The following DAPK1 variants were observed in gnomAD, a reference collection of about 807,000 sequenced individuals.
DAPK1 encodes the protein death associated protein kinase 1.
In DAPK1, 56 loss-of-function variants were observed where a neutral mutation model predicts 144.9. The ratio of observed to expected loss-of-function variants is 0.39; its 90% CI spans 0.31 to 0.48. DAPK1 has a LOEUF of 0.48. Among genes scored for constraint, DAPK1 ranks in the 20% least tolerant of loss-of-function variants. The pLI, the probability that DAPK1 is intolerant of heterozygous loss-of-function variation, is 0.95. For synonymous variants in DAPK1, 690 were observed against 749.0 expected (o/e 0.92, Z 1.29); for missense variants, 1,454 against 1,875.4 (o/e 0.78, Z 4.15).
intron 11 of DAPK1, among the ~76,000 whole-genome samples, chr9:87,643,985 G>C (rs1830184772): frequency 6.6e-6 from 1 of 152,102 alleles, no homozygotes. Flanking sequence ...AGTGCTGCTT[G>C]CTGATGTGTC....
At chr9:87,699,166 C>G (rs1354190495) in intron 23 of DAPK1, among the ~76,000 whole-genome samples, 1 of 152,148 alleles carries the variant, frequency 6.6e-6, no homozygotes, top group Non-Finnish European at 1.5e-5. Flanking sequence ...GATGCACAAC[C>G]TTTATTTTTC....
rs549524231 is a variant in DAPK1 at position 87,538,030 on chromosome 9, A to G, written c.62+38891A>G. Among the ~76,000 whole-genome samples the G allele has an allele frequency of 5.3e-5, 8 of 152,356 alleles. No individual in the cohort carries two copies. The South Asian group carries it at 1.2e-3, about 24-fold the overall frequency. On this transcript the variant is annotated intron_variant, in intron 2 of 25. Transcript: ENST00000408954. ...CAGCAGATGGCTTGAAGACTTCAGT[A>G]TCTTCCCATTTTTACTTTAAGGTCA...
At chr9:87,700,029 C>T in intron 23 of DAPK1, 88 bp from the exon 24 acceptor site, 4 of 1,078,198 alleles carry the variant, frequency 3.7e-6, no homozygotes, top group Non-Finnish European at 5.6e-6. Flanking sequence ...CTCCTACCAG[C>T]CTCTTGAGCC....
In DAPK1 at chr9:87,706,238, C is replaced by T. The variant is rs373945195; in HGVS notation, c.3167C>T (p.Ala1056Val). 17 of 1,613,522 alleles carry T rather than the reference C, an allele frequency of 1.1e-5. No homozygotes were observed. Among genetic ancestry groups the T allele is most frequent in the African/African-American group, 6.7e-5 (5 of 74,920 alleles). Residue 1056 changes from alanine (A) to valine (V), a missense_variant, in exon 26 of 26, where the codon GCG (alanine) becomes GTG (valine). By Grantham distance (64) the Ala-to-Val change is moderately conservative. Around this residue, in one of 2 missense-constraint regions of DAPK1, gnomAD observed 1,025 missense variants for 1,237.9 expected, o/e 0.83. Coordinates refer to ENST00000408954, the MANE Select transcript of DAPK1 (RefSeq NM_004938.4). The surrounding 1 kb of genome is among the most constrained non-coding windows in gnomAD (Gnocchi z 9.0). ...GKLLSVETPR[A>V]LHHYRGRYTV... ...TTGCTGTCCGTGGAGACCCCACGGG[C>T]GCTGCACCACTACCGGGGCCGCTAC...
chr9:87,567,923 A>G (rs926673494), intron 2 of DAPK1, among the ~76,000 whole-genome samples: 1 of 152,198 alleles, frequency 6.6e-6, no homozygotes, highest in African/African-American at 2.4e-5. Context: ...TTTAATATTT[A>G]TAGACACCCC....
At chr9:87,583,052 A>T (rs1012836873) in intron 2 of DAPK1, among the ~76,000 whole-genome samples, 1 of 152,146 alleles carries the variant, frequency 6.6e-6, no homozygotes, top group African/African-American at 2.4e-5. Flanking sequence ...GGGTATATAC[A>T]GTTGGCCACT....
chr9:87,531,241 G>A (rs904412752), intron 2 of DAPK1, among the ~76,000 whole-genome samples: 34 of 152,172 alleles, frequency 2.2e-4, no homozygotes, highest in South Asian at 6.2e-4. Flanking sequence ...TGACTAGAGG[G>A]CTGGTCTATC....
chr9:87,608,328 C>T (rs1187821302), intron 3 of DAPK1, among the ~76,000 whole-genome samples: 2 of 152,252 alleles, frequency 1.3e-5, no homozygotes, highest in South Asian at 4.1e-4. Context: ...AGAGTGAGTC[C>T]GTTTTTATTA....
intron 2 of DAPK1, among the ~76,000 whole-genome samples, chr9:87,586,459 T>TTA (rs144539679): frequency 0.03 from 4,520 of 152,254 alleles, 209 homozygotes; most frequent in African/African-American, 0.1. Flanking sequence ...CTGCATATAG[T>TTA]TATATATATG....
intron 3 of DAPK1, 113 bp downstream of exon 3, chr9:87,605,288 C>T (rs959309541): frequency 1.2e-6 from 1 of 845,890 alleles, no homozygotes; most frequent in Non-Finnish European, 1.9e-6. Context: ...GGAATTGGTT[C>T]TGCTGTATGA....
intron 3 of DAPK1, among the ~76,000 whole-genome samples, chr9:87,612,057 C>T (rs1441834282): frequency 1.3e-5 from 2 of 152,272 alleles, no homozygotes; most frequent in East Asian, 3.9e-4. Context: ...CAAAAGGCAT[C>T]GCGTGGCAAG....
At chr9:87,509,946 T>C (rs1228025533) in intron 2 of DAPK1, among the ~76,000 whole-genome samples, 1 of 152,376 alleles carries the variant, frequency 6.6e-6, no homozygotes, top group East Asian at 1.9e-4. Flanking sequence ...CAGGCCGCTT[T>C]TGCCCTTTTT....
In DAPK1 at chr9:87,548,222, C is replaced by A. The variant is rs1287388638; in HGVS notation, c.62+49083C>A. Among the ~76,000 whole-genome samples the A allele has an allele frequency of 3.9e-5, 6 of 152,194 alleles. No homozygotes were observed. In the South Asian group the frequency reaches 1.2e-3, roughly 32 times the overall value. On this transcript the variant is annotated intron_variant, in intron 2 of 25. Transcript: ENST00000408954. Reference sequence around the variant, plus strand: ...TGCTTCACCATTACCTTTCGCAAGGCCCCCTTGGCTTGGAGGGGCAAAGCT... The same window carrying A: ...TGCTTCACCATTACCTTTCGCAAGGACCCCTTGGCTTGGAGGGGCAAAGCT...
chr9:87,653,069 A>G (rs13301654), intron 17 of DAPK1, among the ~76,000 whole-genome samples: 58 of 105,180 alleles, frequency 5.5e-4, no homozygotes, highest in Admixed American at 7.7e-4. Flanking sequence ...ACCTGATCCC[A>G]GGTCCTGATT....
intron 2 of DAPK1, among the ~76,000 whole-genome samples, chr9:87,556,096 TCTAATCTCCGTCACCGAAA>T (rs1408193485): frequency 2.6e-5 from 4 of 152,104 alleles, no homozygotes; most frequent in Admixed American, 1.3e-4. Context: ...TTTTTTGTAT[TCTAATCTCCGTCACCGAAA>T]CTCATCAGTG....
intron 2 of DAPK1, among the ~76,000 whole-genome samples, chr9:87,537,573 G>A (rs1391883046): frequency 1.3e-5 from 2 of 151,424 alleles, no homozygotes; most frequent in Non-Finnish European, 2.9e-5. Flanking sequence ...TGGAGTATCT[G>A]GCATGTGTGT....
At chr9:87,621,031 C>T (rs1484001964) in intron 3 of DAPK1, among the ~76,000 whole-genome samples, 2 of 152,208 alleles carry the variant, frequency 1.3e-5, no homozygotes, top group Non-Finnish European at 2.9e-5. Flanking sequence ...TGTGCCTGAG[C>T]ACTTTCTTTA....
chr9:87,640,794 C>T lies in DAPK1; in HGVS notation c.783-8C>T. 3.1e-6 allele frequency: 5 copies of T among 1,614,066 alleles called. No individual in the cohort carries two copies. The highest frequency in any genetic ancestry group is 4.2e-6 in the Non-Finnish European group (5 of 1,179,906). ...CAGCATTTTTTTTCTTCTCCCCCTCCCCTCAAGGAAGAGAATGACAATTCA... is the reference window on the plus strand; with the variant it reads ...CAGCATTTTTTTTCTTCTCCCCCTCTCCTCAAGGAAGAGAATGACAATTCA... On this transcript the variant is annotated splice_polypyrimidine_tract_variant and splice_region_variant and intron_variant, in intron 8 of 25. Transcript: ENST00000408954.
Position 87,531,821 on chromosome 9 carries a change from G to A in DAPK1, c.62+32682G>A, listed in dbSNP as rs557512984. ...GAGAATATTGGAATGCAGGAAGAGA[G>A]GCAAGTCTGAGAGGTGGGGATGAGT... On this transcript the variant is annotated intron_variant, in intron 2 of 25. Coordinates refer to ENST00000408954, the MANE Select transcript of DAPK1 (RefSeq NM_004938.4). Among the ~76,000 whole-genome samples, 63 of 152,338 alleles carry A rather than the reference G, an allele frequency of 4.1e-4. No homozygotes were observed. In the South Asian group the frequency reaches 4.6e-3, roughly 11 times the overall value.
Sources: allele counts gnomAD v4.1 joint callset (sites outside exome capture counted in the v4.1 genomes callset), GRCh38; gene constraint gnomAD v4.1.1; regional missense constraint gnomAD v4.1.1; non-coding constraint Gnocchi (gnomAD v3.1); transcripts MANE v1.5; gene names NCBI Gene and HGNC (gene_info 2026-07-23, HGNC 2026-07-21).